The following CTRC variants were observed in gnomAD, a reference collection of about 807,000 sequenced individuals.
CTRC encodes the protein chymotrypsin C, also known as chymotrypsin-C.
In CTRC, 32 loss-of-function variants were observed where a neutral mutation model predicts 35.7. The observed-to-expected ratio is 0.90, with a 90% CI of 0.68 to 1.20. CTRC has a LOEUF of 1.20. CTRC is among the 50% of genes most tolerant of loss of function. The pLI is 0.00. For missense variants in CTRC, 324 were observed against 361.5 expected (o/e 0.90, Z 0.84); for synonymous variants, 119 against 149.5 (o/e 0.80, Z 1.49).
chr1:15,446,624 A>T lies in CTRC; in HGVS notation c.*35A>T, dbSNP rs753401229. The T allele has an allele frequency of 2.5e-6, 4 of 1,613,686 alleles. No individual in the cohort carries two copies. The highest frequency in any genetic ancestry group is 2.5e-6 in the Non-Finnish European group (3 of 1,179,552). Reference sequence around the variant, plus strand: ...GGGAGCGGCGGCAGCGAGTCCCTGCAACAGCAATAAACTTCCTTCTCCTCG... The same window carrying T: ...GGGAGCGGCGGCAGCGAGTCCCTGCTACAGCAATAAACTTCCTTCTCCTCG... On this transcript the variant is annotated 3_prime_UTR_variant, in exon 8 of 8. Coordinates refer to ENST00000375949, the MANE Select transcript of CTRC (RefSeq NM_007272.3).
intron 3 of CTRC, 21 bp downstream of exon 3, chr1:15,440,611 G>A: frequency 6.2e-7 from 1 of 1,611,094 alleles, no homozygotes; most frequent in Non-Finnish European, 8.5e-7. Context: ...ATGATACCCT[G>A]AGACCTGGCC....
rs145096678 is a variant in CTRC at position 15,444,454 on chromosome 1, C to T, written c.494-152C>T. The T allele has an allele frequency of 2.1e-4, 193 of 907,312 alleles. No individual in the cohort carries two copies. The African/African-American group carries it at 2.3e-3, about 11-fold the overall frequency. The allele number at this position is 907,312 out of a possible 1,614,324, so 56.2% of individuals were successfully genotyped here. On this transcript the variant is annotated intron_variant, in intron 5 of 7. Transcript: ENST00000375949. ...CCTGACCCTCTGGGACCTTGGCTTGCCTCTTGATGAAGGGCAGGTGTGTGG... is the reference window on the plus strand; with the variant it reads ...CCTGACCCTCTGGGACCTTGGCTTGTCTCTTGATGAAGGGCAGGTGTGTGG...
intron 1 of CTRC, 75 bp from the exon 2 acceptor site, chr1:15,440,225 T>G: frequency 3.3e-6 from 2 of 608,666 alleles, no homozygotes; most frequent in Middle Eastern, 4.5e-4. Flanking sequence ...TTCTTCCACC[T>G]GCCCACCCTC....
At position 15,442,471 on chromosome 1, in the gene CTRC, C is replaced by T. The variant is rs763210990; in HGVS notation, c.255C>T (p.Ala85=). 1.1e-5 allele frequency: 18 copies of T among 1,613,860 alleles called. No homozygotes were observed. Among genetic ancestry groups the T allele is most frequent in the Middle Eastern group, 1.6e-4 (1 of 6,084 alleles). Residue 85 remains alanine, a synonymous_variant, in exon 4 of 8, where the codon GCC becomes GCT. Transcript: ENST00000375949. ...GCAACACCCGGACCTACCGTGTGGC[C>T]GTGGGAAAGAACAACCTGGAGGTGG... The part of the protein sequence containing the change: ...CISNTRTYRV[A]VGKNNLEVED...
At chr1:15,440,250 G>A (rs1461691297) in intron 1 of CTRC, 50 bp from the exon 2 acceptor site, 15 of 142,894 alleles carry the variant, frequency 1.0e-4, no homozygotes, top group Non-Finnish European at 1.7e-4. Context: ...CCCTTTCCCC[G>A]TGGGCTACCA....
At chr1:15,442,719 T>C in intron 4 of CTRC, 147 bp downstream of exon 4, 1 of 1,165,776 alleles carries the variant, frequency 8.6e-7, no homozygotes, top group East Asian at 2.5e-5. Context: ...TTACACAAAA[T>C]GGCAAAATGC....
At chr1:15,444,317 G>C (rs1164532068) in intron 5 of CTRC, among the ~76,000 whole-genome samples, 1 of 152,012 alleles carries the variant, frequency 6.6e-6, no homozygotes, top group Non-Finnish European at 1.5e-5. Context: ...CTTTTTAATG[G>C]GTGACAGCAA....
rs527638093 is a variant in CTRC, at chr1:15,446,604, C to T, written c.*15C>T. ...TGCAGCTGTGATTTGTTGCTGGGAG[C>T]GGCGGCAGCGAGTCCCTGCAACAGC... is the stretch of plus-strand genomic sequence containing the variant. On this transcript the variant is annotated 3_prime_UTR_variant, in exon 8 of 8. Coordinates refer to ENST00000375949, the MANE Select transcript of CTRC (RefSeq NM_007272.3). The T allele has an allele frequency of 2.4e-5, 39 of 1,614,102 alleles. No homozygotes were observed. The highest frequency in any genetic ancestry group is 4.0e-5 in the African/African-American group (3 of 75,060).
At chr1:15,440,046 G>A (rs529869154) in intron 1 of CTRC, among the ~76,000 whole-genome samples, 3 of 152,058 alleles carry the variant, frequency 2.0e-5, no homozygotes, top group Non-Finnish European at 2.9e-5. Flanking sequence ...CCGGCCAAAC[G>A]CTTTCTTTTT....
At chr1:15,440,241 C>T in intron 1 of CTRC, 59 bp from the exon 2 acceptor site, 1 of 890,854 alleles carries the variant, frequency 1.1e-6, no homozygotes, top group Non-Finnish European at 1.8e-6. Flanking sequence ...CCCTCCCACC[C>T]CTTTCCCCGT....
chr1:15,440,449 AG>A, intron 2 of CTRC, 43 bp from the exon 3 acceptor site: 3 of 1,612,364 alleles, frequency 1.9e-6, no homozygotes, highest in Non-Finnish European at 2.5e-6. Context: ...TGAGGGTCCC[AG>A]GGACCTGCAG....
Position 15,445,583 on chromosome 1 carries a change from C to T in CTRC, c.640-14C>T, listed in dbSNP as rs202049497. On this transcript the variant is annotated splice_polypyrimidine_tract_variant and intron_variant, in intron 6 of 7. Transcript: ENST00000375949. ...GGGGGGCCTGGTGGCTTATGCCCTC[C>T]CGGTCTGGTGCAGGGGGACTCCGGT... 201 of 1,613,600 alleles carry T rather than the reference C, an allele frequency of 1.2e-4. No homozygotes were observed. In the African/African-American group the frequency reaches 2.0e-3, roughly 16 times the overall value.
intron 2 of CTRC, 37 bp downstream of exon 2, chr1:15,440,428 G>C (rs756273786): frequency 6.2e-7 from 1 of 1,612,090 alleles, no homozygotes; most frequent in South Asian, 1.1e-5. Flanking sequence ...CAGATAGAGA[G>C]GGTGGCGGGG....
At chr1:15,439,065 T>C (rs1480038933) in intron 1 of CTRC, among the ~76,000 whole-genome samples, 1 of 152,204 alleles carries the variant, frequency 6.6e-6, no homozygotes, top group Non-Finnish European at 1.5e-5. Context: ...GTGTTTACTA[T>C]GTGCCAGACG....
chr1:15,446,928 T>C lies in CTRC; in HGVS notation c.*339T>C. 2.2e-6 allele frequency: 1 copy of C among 447,220 alleles called. No individual in the cohort carries two copies. Among genetic ancestry groups the C allele is most frequent in the Non-Finnish European group, 4.2e-6 (1 of 240,054 alleles). The allele number at this position is 447,220 out of a possible 1,614,324, so 27.7% of individuals were successfully genotyped here. ...CGCATCAGACACCTTCCCCGCTCCA[T>C]CTCACAAGCTGCGAACAGGTGAGAC... On this transcript the variant is annotated 3_prime_UTR_variant, in exon 8 of 8. Coordinates refer to ENST00000375949, the MANE Select transcript of CTRC (RefSeq NM_007272.3).
chr1:15,438,816 G>A (rs1708080531), intron 1 of CTRC, among the ~76,000 whole-genome samples: 1 of 152,212 alleles, frequency 6.6e-6, no homozygotes, highest in Non-Finnish European at 1.5e-5. Flanking sequence ...GACCATCGGG[G>A]TCTGCCTTTC....
chr1:15,443,468 A>G lies in CTRC; in HGVS notation c.406A>G (p.Thr136Ala). The G allele has an allele frequency of 2.5e-6, 4 of 1,614,190 alleles. No homozygotes were observed. Among genetic ancestry groups the G allele is most frequent in the African/African-American group, 1.3e-5 (1 of 75,044 alleles). ...TGCAGAGCATGTGGAGCTGAGTGAC[A>G]CCATCCAGGTGGCCTGCCTGCCAGA... ...KLAEHVELSD[T>A]IQVACLPEKD... The change falls in exon 5 of 8, where the codon ACC (threonine) becomes GCC (alanine). Residue 136 changes from threonine (T) to alanine (A), a missense_variant. Transcript: ENST00000375949.
rs1441979650 is a variant in CTRC, at chr1:15,446,992, C to T, written c.*403C>T. The T allele has an allele frequency of 5.9e-6, 2 of 337,876 alleles. No homozygotes were observed. The highest frequency in any genetic ancestry group is 2.4e-5 in the South Asian group (1 of 40,872). The allele number at this position is 337,876 out of a possible 1,614,324, so 20.9% of individuals were successfully genotyped here. On this transcript the variant is annotated 3_prime_UTR_variant, in exon 8 of 8. Coordinates refer to ENST00000375949, the MANE Select transcript of CTRC (RefSeq NM_007272.3). ...CTCGCTTCTCCGATCCTACCTCCAC[C>T]GAGGGGCCTGGCAGGTCCTCACAGC...
Position 15,446,582 on chromosome 1 carries a change from A to G in CTRC, c.800A>G (p.Gln267Arg). The change falls in exon 8 of 8, where the codon CAG becomes CGG. Residue 267 changes from glutamine (Q) to arginine (R), a missense_variant. Physicochemically the swap from Gln to Arg is conservative, Grantham distance 43. Transcript: ENST00000375949. ...AYIDWINEKMQL is the reference protein window; with the variant it reads ...AYIDWINEKMRL Reference sequence around the variant, plus strand: ...TGTTCTCTGCTCCTCCAGAAAATGCAGCTGTGATTTGTTGCTGGGAGCGGC... The same window carrying G: ...TGTTCTCTGCTCCTCCAGAAAATGCGGCTGTGATTTGTTGCTGGGAGCGGC... 1.2e-5 allele frequency: 20 copies of G among 1,614,172 alleles called. No individual in the cohort carries two copies. The highest frequency in any genetic ancestry group is 1.7e-5 in the Non-Finnish European group (20 of 1,180,004).
Sources: gnomAD v4.1 joint callset for allele counts (sites outside exome capture counted in the v4.1 genomes callset) on GRCh38, gnomAD v4.1.1 for gene constraint, MANE v1.5 for transcripts, NCBI Gene and HGNC (gene_info 2026-07-23, HGNC 2026-07-21) for gene names.